Variants in DHX34 observed in about 807,000 individuals in gnomAD.
The protein encoded by DHX34 is DExH-box helicase 34, also known as probable ATP-dependent RNA helicase DHX34.
DHX34 carries 96 observed loss-of-function variants against 111.1 expected under a neutral mutation model. The ratio of observed to expected loss-of-function variants is 0.86; its 90% CI spans 0.73 to 1.02. DHX34 has a LOEUF of 1.02. Ranked by LOEUF, DHX34 falls within the 50% of genes least tolerant of loss-of-function variation. The probability of loss-of-function intolerance (pLI) is 0.00; values close to 1 mark genes in which losing one functional copy is unlikely to be tolerated. For synonymous variants in DHX34, 688 were observed against 670.4 expected, an observed-to-expected ratio of 1.03 and a Z score of -0.41; for missense variants, 1,560 against 1,579.9, an observed-to-expected ratio of 0.99 and a Z score of 0.21.
chr19:47,376,057 TC>T lies in DHX34; in HGVS notation c.2445del (p.Asp816ThrfsTer57). 6.3e-7 allele frequency: 1 copy of T among 1,582,156 alleles called. No homozygotes were observed. The highest frequency in any genetic ancestry group is 1.9e-5 in the Admixed American group (1 of 52,404). On this transcript the variant is annotated frameshift_variant, in exon 11 of 17. Coordinates refer to ENST00000328771, the MANE Select transcript of DHX34 (RefSeq NM_014681.6). LOFTEE classifies it high-confidence loss of function. ...LGRGLYPQLA[V>X]PDAFNSSRKD... ...CGGGGCCTGTACCCACAGCTGGCCG[TC>T]CCCGACGCCTTCAACAGCAGCCGAA...
intron 7 of DHX34, among the ~76,000 whole-genome samples, chr19:47,369,141 GT>G (rs1969891759): frequency 6.6e-6 from 1 of 152,142 alleles, no homozygotes; most frequent in Admixed American, 6.6e-5. Context: ...GCCTCCCAAA[GT>G]GCTGGGATTG....
chr19:47,377,236 C>T, intron 13 of DHX34, 30 bp downstream of exon 13: 1 of 1,596,642 alleles, frequency 6.3e-7, no homozygotes, highest in Non-Finnish European at 8.5e-7. Flanking sequence ...CGCCCCCATG[C>T]CCAGATATGA....
rs747430340 is a variant in DHX34 at position 47,355,292 on chromosome 19, C to A, written c.959C>A (p.Ser320Tyr). The part of the protein sequence containing the change: ...MSATINISLF[S>Y]SYFSNAPVVQ... ...GCCACCATCAACATCTCGCTCTTCT[C>A]CAGCTATTTCAGCAATGCCCCTGTG... Residue 320 changes from serine (S) to tyrosine (Y), a missense_variant, in exon 3 of 17, where the codon TCC becomes TAC. By Grantham distance (144) the Ser-to-Tyr change is moderately radical. Transcript: ENST00000328771. The A allele has an allele frequency of 6.2e-7, 1 of 1,614,140 alleles. No homozygotes were observed. Among genetic ancestry groups the A allele is most frequent in the South Asian group, 1.1e-5 (1 of 91,080 alleles).
At position 47,368,298 on chromosome 19, in the gene DHX34, C is replaced by CTT. The variant is rs71180827; in HGVS notation, c.1768+1167_1768+1168dup. Among the ~76,000 whole-genome samples the CTT allele has an allele frequency of 1.4e-3, 66 of 46,052 alleles. 1 individual carries two copies. The highest frequency in any genetic ancestry group is 4.8e-3 in the African/African-American group (49 of 10,242). The allele number at this position is 46,052 out of a possible 152,430, so 30.2% of individuals were successfully genotyped here. On this transcript the variant is annotated intron_variant, in intron 7 of 16. Coordinates refer to ENST00000328771, the MANE Select transcript of DHX34 (RefSeq NM_014681.6). ...AGTCTCATCATTCATTCATTAAATCCTTTTTTTTTTTTTTTTTTTTTTTTT... is the reference window on the plus strand; with the variant it reads ...AGTCTCATCATTCATTCATTAAATCCTTTTTTTTTTTTTTTTTTTTTTTTTTT...
rs187837800 is a variant in DHX34 at position 47,351,527 on chromosome 19, C to G, written c.-277-1227C>G. ...AGCTTCTCTTCCTCTCCCTCTTTCA[C>G]CTCTCCCTGTGGTGCAGTGACCATT... On this transcript the variant is annotated intron_variant, in intron 1 of 16. Transcript: ENST00000328771. Among the ~76,000 whole-genome samples the G allele has an allele frequency of 3.0e-4, 46 of 152,264 alleles. No individual in the cohort carries two copies. In the East Asian group the frequency reaches 6.0e-3, roughly 20 times the overall value.
chr19:47,375,919 C>T lies in DHX34; in HGVS notation c.2308-5C>T. The T allele has an allele frequency of 6.2e-7, 1 of 1,600,830 alleles. No individual in the cohort carries two copies. Among genetic ancestry groups the T allele is most frequent in the East Asian group, 2.2e-5 (1 of 44,514 alleles). On this transcript the variant is annotated splice_region_variant and splice_polypyrimidine_tract_variant and intron_variant, in intron 10 of 16. Coordinates refer to ENST00000328771, the MANE Select transcript of DHX34 (RefSeq NM_014681.6). The stretch of plus-strand genomic sequence containing the variant: ...TAAGACTCTGCCTCCCCGTGCTCCC[C>T]CCAGGATGTGAAGTTCAAGCTTCGG...
At chr19:47,380,663 A>G in intron 14 of DHX34, 153 bp from the exon 15 acceptor site, 1 of 985,330 alleles carries the variant, frequency 1.0e-6, no homozygotes, top group East Asian at 1.1e-4. Context: ...ACCCCTGGTC[A>G]TGTGTGTCTG....
At chr19:47,367,262 G>A in intron 7 of DHX34, 107 bp downstream of exon 7, 2 of 1,209,820 alleles carry the variant, frequency 1.7e-6, no homozygotes, top group Non-Finnish European at 2.2e-6. Context: ...CCTGGGTCCA[G>A]TTCATTTATT....
intron 7 of DHX34, among the ~76,000 whole-genome samples, chr19:47,372,337 C>T (rs1280261546): frequency 7.2e-5 from 11 of 152,040 alleles, no homozygotes; most frequent in Admixed American, 5.2e-4. Context: ...GGAGGAGAGA[C>T]GTCCACCGTG....
rs762919622 is a variant in DHX34 at position 47,362,719 on chromosome 19, A to G, written c.1593+26A>G. The G allele has an allele frequency of 2.0e-5, 32 of 1,573,222 alleles. No homozygotes were observed. The Middle Eastern group carries it at 8.7e-4, about 43-fold the overall frequency. On this transcript the variant is annotated intron_variant, in intron 6 of 16. Coordinates refer to ENST00000328771, the MANE Select transcript of DHX34 (RefSeq NM_014681.6). ...GTGAGGCATGGGCAGAAAGGGGACT[A>G]TATCCTAACTGCTGGCACAGGGAGG...
chr19:47,363,913 G>A (rs978674331), intron 6 of DHX34, among the ~76,000 whole-genome samples: 4 of 152,018 alleles, frequency 2.6e-5, no homozygotes, highest in Admixed American at 2.6e-4. Context: ...TAGCAGGAAA[G>A]GGCTTTTAAA....
In DHX34 at chr19:47,373,694, G is replaced by C. The variant is rs764928580; in HGVS notation, c.2058G>C (p.Gln686His). The C allele has an allele frequency of 6.2e-7, 1 of 1,613,498 alleles. No individual in the cohort carries two copies. The highest frequency in any genetic ancestry group is 8.5e-7 in the Non-Finnish European group (1 of 1,179,778). The change falls in exon 9 of 17, where the codon CAG becomes CAC. Residue 686 changes from glutamine to histidine, a missense_variant. Gln to His is a conservative substitution (Grantham distance 24, BLOSUM62 0). Coordinates refer to ENST00000328771, the MANE Select transcript of DHX34 (RefSeq NM_014681.6). ...RLYEMANLRR[Q>H]FKELLEDHGL... Reference sequence around the variant, plus strand: ...ACGAAATGGCCAACCTTCGGCGCCAGTTCAAGGTGAGGCTCGGGAGGAGGG... The same window carrying C: ...ACGAAATGGCCAACCTTCGGCGCCACTTCAAGGTGAGGCTCGGGAGGAGGG...
Position 47,381,203 on chromosome 19 carries a change from C to G in DHX34, c.3177C>G (p.Tyr1059Ter). 3 of 1,614,058 alleles carry G rather than the reference C, an allele frequency of 1.9e-6. No homozygotes were observed. Among genetic ancestry groups the G allele is most frequent in the Non-Finnish European group, 2.5e-6 (3 of 1,179,926 alleles). ...TGCCACAGAATGACACAGACCTGTA[C>G]AGCGACTGTCTCCGAACCTTCTGGA... ...YNCLTNDTDLYSDCLRTFWTC... is the reference protein window; with the variant it reads ...YNCLTNDTDL The change falls in exon 16 of 17, where the codon TAC (tyrosine) becomes TAG (stop). Residue 1059 changes from tyrosine (Y) to a stop codon, truncating the protein, a stop_gained. Coordinates refer to ENST00000328771, the MANE Select transcript of DHX34 (RefSeq NM_014681.6). LOFTEE classifies it high-confidence loss of function.
At chr19:47,378,165 T>C (rs569677334) in intron 13 of DHX34, among the ~76,000 whole-genome samples, 57 of 152,110 alleles carry the variant, frequency 3.7e-4, no homozygotes, top group Non-Finnish European at 6.9e-4. Context: ...GAGAGGAACC[T>C]GCAGGCTCCT....
chr19:47,360,503 C>T (rs138690208), intron 5 of DHX34, among the ~76,000 whole-genome samples: 2 of 152,210 alleles, frequency 1.3e-5, no homozygotes, highest in African/African-American at 2.4e-5. Context: ...TTCTCTCTGC[C>T]GAGAGCTGTC....
intron 4 of DHX34, 147 bp from the exon 5 acceptor site, chr19:47,359,821 G>T: frequency 1.3e-6 from 2 of 1,488,166 alleles, no homozygotes; most frequent in Non-Finnish European, 1.8e-6. Flanking sequence ...GTGATGGGGT[G>T]GACGGTGAGC....
chr19:47,353,353 T>C lies in DHX34; in HGVS notation c.323T>C (p.Leu108Pro). 1.2e-6 allele frequency: 2 copies of C among 1,614,076 alleles called. No individual in the cohort carries two copies. The highest frequency in any genetic ancestry group is 8.5e-7 in the Non-Finnish European group (1 of 1,180,022). The part of the protein sequence containing the change: ...RTYDPRYRIN[L>P]SVLGPATRGS... ...TACGACCCACGTTACCGCATCAACC[T>C]CTCTGTTCTTGGCCCTGCCACGCGG... Residue 108 changes from leucine to proline, a missense_variant, in exon 2 of 17, where the codon CTC becomes CCC. Leu to Pro is a moderately conservative substitution (Grantham distance 98). Coordinates refer to ENST00000328771, the MANE Select transcript of DHX34 (RefSeq NM_014681.6). This position sits in a 1 kb window ranked among gnomAD's most constrained non-coding sequence, Gnocchi z 4.6.
At position 47,353,054 on chromosome 19, in the gene DHX34, G is replaced by A. The variant is rs1380775363; in HGVS notation, c.24G>A (p.Glu8=). 3 of 1,613,388 alleles carry A rather than the reference G, an allele frequency of 1.9e-6. No homozygotes were observed. Among genetic ancestry groups the A allele is most frequent in the South Asian group, 2.2e-5 (2 of 91,072 alleles). Residue 8 remains glutamate, a synonymous_variant, in exon 2 of 17, where the codon GAG becomes GAA. Transcript: ENST00000328771. The surrounding 1 kb of genome is among the most constrained non-coding windows in gnomAD (Gnocchi z 4.6). MPPPRTR[E]GRDRRDHHRA... ...ACATGCCTCCTCCTAGAACAAGGGA[G>A]GGCAGGGATCGCCGAGACCACCACC... is the stretch of plus-strand genomic sequence containing the variant.
In DHX34 at chr19:47,380,798, C is replaced by A; in HGVS notation, c.2983-18C>A. 6.2e-7 allele frequency: 1 copy of A among 1,613,536 alleles called. No individual in the cohort carries two copies. The highest frequency in any genetic ancestry group is 8.5e-7 in the Non-Finnish European group (1 of 1,179,698). On this transcript the variant is annotated intron_variant, in intron 14 of 16. Coordinates refer to ENST00000328771, the MANE Select transcript of DHX34 (RefSeq NM_014681.6). ...CCCTGAGTCTGTCTCTCTCCATTTCCTGTCTCTCCTTCCTTAGATTCCTTA... is the reference window on the plus strand; with the variant it reads ...CCCTGAGTCTGTCTCTCTCCATTTCATGTCTCTCCTTCCTTAGATTCCTTA...
Sources: gnomAD v4.1 joint callset for allele counts (sites outside exome capture counted in the v4.1 genomes callset) on GRCh38, gnomAD v4.1.1 for gene constraint, Gnocchi (gnomAD v3.1) non-coding constraint, MANE v1.5 for transcripts, NCBI Gene and HGNC (gene_info 2026-07-23, HGNC 2026-07-21) for gene names.